Variants in VSTM2A observed in about 807,000 individuals in gnomAD.
VSTM2A encodes V-set and transmembrane domain-containing protein 2A.
VSTM2A carries 13 observed loss-of-function variants against 27.3 expected under a neutral mutation model. The observed-to-expected ratio is 0.48, with a 90% CI of 0.31 to 0.76. The LOEUF (loss-of-function observed/expected upper bound fraction) is 0.76, where lower values mean the gene tolerates loss of function less well. VSTM2A is among the 30% of genes least tolerant of loss of function. VSTM2A has a pLI of 0.05. For synonymous variants in VSTM2A, 142 were observed against 125.7 expected (o/e 1.13, Z -0.87); for missense variants, 280 against 310.0 (o/e 0.90, Z 0.73).
At chr7:54,562,152 G>A (rs1205163209) in intron 4 of VSTM2A, among the ~76,000 whole-genome samples, 4 of 152,090 alleles carry the variant, frequency 2.6e-5, no homozygotes, top group Non-Finnish European at 5.9e-5. Flanking sequence ...TTGATCTCTC[G>A]ACCTCGTGAT....
At chr7:54,549,087 G>A (rs964237875) in intron 3 of VSTM2A, among the ~76,000 whole-genome samples, 3 of 151,042 alleles carry the variant, frequency 2.0e-5, no homozygotes, top group East Asian at 1.9e-4. Context: ...CTATTAATCT[G>A]GAATAAAACT....
intron 1 of VSTM2A, among the ~76,000 whole-genome samples, chr7:54,544,086 G>T (rs1044584127): frequency 9.2e-5 from 14 of 152,210 alleles, no homozygotes; most frequent in African/African-American, 3.4e-4. Flanking sequence ...AGTTTATAAA[G>T]TGTGCAACTT....
chr7:54,553,328 G>A (rs2115839623), intron 4 of VSTM2A, among the ~76,000 whole-genome samples: 1 of 152,224 alleles, frequency 6.6e-6, no homozygotes. Context: ...AAGCAAAACG[G>A]TTAGGCAAAC....
intron 4 of VSTM2A, chr7:54,550,517 C>A: frequency 2.5e-6 from 1 of 398,306 alleles, no homozygotes; most frequent in Non-Finnish European, 4.3e-6. Flanking sequence ...ATTTATGTAT[C>A]GATAATGACC....
chr7:54,558,373 T>C (rs1006093429), intron 4 of VSTM2A: 2 of 152,218 alleles, frequency 1.3e-5, no homozygotes, highest in Admixed American at 1.3e-4. Context: ...ATTTGCTATC[T>C]ACCAGCTTGT....
rs1169472979 is a variant in VSTM2A at position 54,549,985 on chromosome 7, C to G, written c.449C>G (p.Ala150Gly). ...HKAQAYLKVNANSHARRMQAF... is the reference protein window; with the variant it reads ...HKAQAYLKVNGNSHARRMQAF... ...GCCCAGGCCTATCTGAAAGTCAATG[C>G]CAACAGCCATGCCCGCAGAATGCAG... Residue 150 changes from alanine (A) to glycine (G), a missense_variant, in exon 4 of 5, where the codon GCC (alanine) becomes GGC (glycine). Physicochemically the swap from Ala to Gly is moderately conservative, Grantham distance 60 (BLOSUM62 0). Coordinates refer to ENST00000402613, the MANE Select transcript of VSTM2A (RefSeq NM_001301009.2). 1.9e-6 allele frequency: 3 copies of G among 1,613,198 alleles called. No individual in the cohort carries two copies. The highest frequency in any genetic ancestry group is 1.3e-5 in the African/African-American group (1 of 74,908).
rs1354959945 is a variant in VSTM2A, at chr7:54,569,164, G to T, written c.668G>T (p.Arg223Leu). 6.4e-7 allele frequency: 1 copy of T among 1,552,548 alleles called. No individual in the cohort carries two copies. Residue 223 changes from arginine to leucine, a missense_variant, in exon 5 of 5, where the codon CGG becomes CTG. Physicochemically the swap from Arg to Leu is moderately radical, Grantham distance 102. Coordinates refer to ENST00000402613, the MANE Select transcript of VSTM2A (RefSeq NM_001301009.2). ...KSKSPVKSTE[R>L]TAKLTLNSKH... ...AAATCGCCTGTAAAATCTACGGAGC[G>T]GACAGCAAAGTTGACCCTAAACTCC...
intron 2 of VSTM2A, among the ~76,000 whole-genome samples, chr7:54,545,580 GAAGGGGGA>G (rs1434561366): frequency 2.6e-4 from 20 of 78,054 alleles, no homozygotes; most frequent in South Asian, 2.6e-3. Flanking sequence ...GAGGGAGAAA[GAAGGGGGA>G]GAGAGGGAGA....
chr7:54,549,399 A>G (rs1195086209), intron 3 of VSTM2A, among the ~76,000 whole-genome samples: 1 of 152,202 alleles, frequency 6.6e-6, no homozygotes, highest in African/African-American at 2.4e-5. Flanking sequence ...GACCAACAAA[A>G]TATTTTTGTG....
chr7:54,569,317 A>G lies in VSTM2A; in HGVS notation c.*98A>G, dbSNP rs1445094244. On this transcript the variant is annotated 3_prime_UTR_variant, in exon 5 of 5. Coordinates refer to ENST00000402613, the MANE Select transcript of VSTM2A (RefSeq NM_001301009.2). ...TTCTTTGGCAAAACACTGATCTTTT[A>G]TTTTAAGAGAATTAACGTGAAGTGA... 3.3e-6 allele frequency: 5 copies of G among 1,511,518 alleles called. No homozygotes were observed. Among genetic ancestry groups the G allele is most frequent in the Non-Finnish European group, 4.4e-6 (5 of 1,127,844 alleles). 93.6% of individuals were successfully genotyped at this position (1,511,518 alleles called of 1,614,324 possible). A position where few individuals can be genotyped will look rare whatever the true frequency, so the allele number is the denominator to read the frequency against.
At position 54,569,616 on chromosome 7, in the gene VSTM2A, A is replaced by T. The variant is rs1788831211; in HGVS notation, c.*397A>T. On this transcript the variant is annotated 3_prime_UTR_variant, in exon 5 of 5. Transcript: ENST00000402613. ...AAGTCAACAAGGAGGACATTACTTT[A>T]AGGAATAACATGAGAAAGAAATTTT... is the stretch of plus-strand genomic sequence containing the variant. 6.1e-6 allele frequency: 1 copy of T among 164,576 alleles called. No individual in the cohort carries two copies. The highest frequency in any genetic ancestry group is 2.4e-5 in the African/African-American group (1 of 41,924). The allele number at this position is 164,576 out of a possible 1,614,324, so 10.2% of individuals were successfully genotyped here.
At chr7:54,545,388 C>T (rs1465727876) in intron 2 of VSTM2A, among the ~76,000 whole-genome samples, 2 of 125,608 alleles carry the variant, frequency 1.6e-5, no homozygotes, top group Non-Finnish European at 3.3e-5. Flanking sequence ...GAGAAAGAGA[C>T]GGAGAGAGGG....
chr7:54,554,148 C>T, intron 4 of VSTM2A: 1 of 1,529,824 alleles, frequency 6.5e-7, no homozygotes. Context: ...CAATTCCCCA[C>T]CCTCTCACAT....
chr7:54,564,547 A>C (rs1038378278), intron 4 of VSTM2A, among the ~76,000 whole-genome samples: 5 of 152,210 alleles, frequency 3.3e-5, no homozygotes, highest in African/African-American at 1.2e-4. Flanking sequence ...ATGTACATGG[A>C]ATAAGTTGTT....
chr7:54,548,053 C>G lies in VSTM2A; in HGVS notation c.297+1056C>G, dbSNP rs78791630. ...TTATATCACAGAAACTGTTGTTTTC[C>G]TACAATATTAGAAAAGCTTTATTGG... On this transcript the variant is annotated intron_variant, in intron 3 of 4. Transcript: ENST00000402613. Among the ~76,000 whole-genome samples, 320 of 152,200 alleles carry G rather than the reference C, an allele frequency of 2.1e-3. 9 individuals are homozygous for G. The East Asian group carries it at 0.055, about 26-fold the overall frequency.
At chr7:54,564,336 T>G (rs1292492779) in intron 4 of VSTM2A, among the ~76,000 whole-genome samples, 1 of 152,194 alleles carries the variant, frequency 6.6e-6, no homozygotes, top group Non-Finnish European at 1.5e-5. Context: ...CTTGCTCCTT[T>G]TGATTACATT....
rs780696207 is a variant in VSTM2A at position 54,549,938 on chromosome 7, C to T, written c.402C>T (p.Tyr134=). 5.0e-6 allele frequency: 8 copies of T among 1,613,740 alleles called. No individual in the cohort carries two copies. The highest frequency in any genetic ancestry group is 1.6e-4 in the Middle Eastern group (1 of 6,062). The change falls in exon 4 of 5, where the codon TAC becomes TAT. Residue 134 remains tyrosine (Y), a synonymous_variant. Transcript: ENST00000402613. The part of the protein sequence containing the change: ...LYECRVTDAN[Y]GELQEHKAQA... ...AGTGCAGGGTGACTGATGCCAACTA[C>T]GGGGAGCTTCAGGAACACAAGGCCC...
At chr7:54,546,202 C>G (rs1156650125) in intron 2 of VSTM2A, 1 of 143,338 alleles carries the variant, frequency 7.0e-6, no homozygotes, top group South Asian at 2.3e-4. Flanking sequence ...AGAGAGGAAG[C>G]GAGGAGAGAA....
intron 1 of VSTM2A, 100 bp from the exon 2 acceptor site, chr7:54,544,522 T>G: frequency 6.9e-7 from 1 of 1,448,242 alleles, no homozygotes; most frequent in Non-Finnish European, 9.6e-7. Flanking sequence ...AGGGGTTTTG[T>G]TGCTATTTAA....
Sources: allele counts gnomAD v4.1 joint callset (sites outside exome capture counted in the v4.1 genomes callset), GRCh38; gene constraint gnomAD v4.1.1; transcripts MANE v1.5; gene names NCBI Gene and HGNC (gene_info 2026-07-23, HGNC 2026-07-21).